Variants in MIA3 observed in about 807,000 individuals in gnomAD.
MIA3 encodes the protein MIA SH3 domain ER export factor 3.
In MIA3, 90 loss-of-function variants were observed where a neutral mutation model predicts 192.4. The ratio of observed to expected loss-of-function variants is 0.47; its 90% CI spans 0.39 to 0.56. The LOEUF (loss-of-function observed/expected upper bound fraction) is 0.56. Among genes scored for constraint, MIA3 ranks in the 20% least tolerant of loss-of-function variants. The pLI is 0.00. For missense variants in MIA3, 2,123 were observed against 2,269.4 expected (o/e 0.94, Z 1.31); for synonymous variants, 740 against 792.8 (o/e 0.93, Z 1.12).
In MIA3 at chr1:222,629,473, C is replaced by A. The variant is rs1484477967; in HGVS notation, c.2253C>A (p.Gly751=). The A allele has an allele frequency of 2.5e-6, 4 of 1,614,088 alleles. No homozygotes were observed. Among genetic ancestry groups the A allele is most frequent in the Non-Finnish European group, 3.4e-6 (4 of 1,180,014 alleles). ...RSKEKNPGNQ[G]RQFDVNLQVP... is the part of the protein sequence containing the mutation. Reference sequence around the variant, plus strand: ...AAGAAAAAAACCCTGGGAATCAGGGCAGGCAGTTTGATGTTAATCTGCAAG... The same window carrying A: ...AAGAAAAAAACCCTGGGAATCAGGGAAGGCAGTTTGATGTTAATCTGCAAG... Residue 751 remains glycine (G), a synonymous_variant, in exon 4 of 28, where the codon GGC becomes GGA. Transcript: ENST00000344922.
At chr1:222,646,534 A>C (rs3008624) in intron 7 of MIA3, among the ~76,000 whole-genome samples, 1 of 152,124 alleles carries the variant, frequency 6.6e-6, no homozygotes, top group African/African-American at 2.4e-5. Context: ...GGTGGATCAC[A>C]TAAGGCCAGG....
intron 4 of MIA3, among the ~76,000 whole-genome samples, chr1:222,631,487 C>T (rs908447541): frequency 3.3e-5 from 5 of 152,110 alleles, no homozygotes; most frequent in Admixed American, 2.0e-4. Flanking sequence ...CACAGGAAAA[C>T]GTATTACTCC....
Position 222,641,115 on chromosome 1 carries a change from G to C in MIA3, c.3478-4439G>C, listed in dbSNP as rs537585395. ...ATGGAAGTATCATACACTGCTGATG[G>C]GGATGTGAAGTGGTACAGCTATCTT... On this transcript the variant is annotated intron_variant, in intron 6 of 27. Transcript: ENST00000344922. Among the ~76,000 whole-genome samples, 18 of 152,320 alleles carry C rather than the reference G, an allele frequency of 1.2e-4. No homozygotes were observed. In the South Asian group the frequency reaches 3.5e-3, roughly 30 times the overall value.
intron 27 of MIA3, chr1:222,664,832 C>A: frequency 3.0e-6 from 1 of 335,548 alleles, no homozygotes; most frequent in South Asian, 2.5e-5. Flanking sequence ...AGTCTGTCTT[C>A]TTGGTATGGT....
chr1:222,659,853 G>C, intron 22 of MIA3, 52 bp downstream of exon 22: 3 of 1,604,904 alleles, frequency 1.9e-6, no homozygotes, highest in Non-Finnish European at 2.6e-6. Context: ...TTAAGGAATT[G>C]GTTTCTATTT....
intron 8 of MIA3, among the ~76,000 whole-genome samples, chr1:222,649,952 C>G (rs191731631): frequency 6.6e-6 from 1 of 152,072 alleles, no homozygotes. Flanking sequence ...AGAGAGTGAG[C>G]GGGGAGGTGC....
chr1:222,658,953 T>C (rs2291834), intron 19 of MIA3, 130 bp downstream of exon 19: 381,181 of 585,142 alleles, frequency 0.65, 130,901 homozygotes, highest in Non-Finnish European at 0.72. Flanking sequence ...AAAAACTAAA[T>C]TTTAAGTTAA....
In MIA3 at chr1:222,653,145, G is replaced by C; in HGVS notation, c.4209+15G>C. ...ATAATATTAATGTAAGTGCGTTCAT[G>C]AATACAAGCTTAATTCTTGTGAATT... On this transcript the variant is annotated intron_variant, in intron 14 of 27. Coordinates refer to ENST00000344922, the MANE Select transcript of MIA3 (RefSeq NM_198551.4). The C allele has an allele frequency of 6.3e-7, 1 of 1,599,614 alleles. No individual in the cohort carries two copies.
At chr1:222,623,700 G>T (rs750967290) in intron 2 of MIA3, among the ~76,000 whole-genome samples, 14 of 152,150 alleles carry the variant, frequency 9.2e-5, no homozygotes, top group Non-Finnish European at 1.8e-4. Flanking sequence ...TGATAAGATG[G>T]CCTTTTTTTC....
chr1:222,635,700 T>C (rs924557411), intron 6 of MIA3, among the ~76,000 whole-genome samples: 2 of 152,178 alleles, frequency 1.3e-5, no homozygotes, highest in Non-Finnish European at 2.9e-5. Flanking sequence ...GGGAAAACTA[T>C]ACCAGAGGTC....
intron 6 of MIA3, among the ~76,000 whole-genome samples, chr1:222,639,161 A>G (rs1013624917): frequency 4.6e-5 from 7 of 152,222 alleles, no homozygotes; most frequent in African/African-American, 1.7e-4. Context: ...TAGATGAAGA[A>G]ATTCTATCTA....
rs1252555282 is a variant in MIA3, at chr1:222,630,795, T to C, written c.3169+406T>C. Among the ~76,000 whole-genome samples the C allele has an allele frequency of 2.6e-5, 4 of 152,246 alleles. No individual in the cohort carries two copies. The East Asian group carries it at 5.8e-4, about 22-fold the overall frequency. ...CTTTTAGATCAATGCCTTGGCTAAATTCCTACGTTCTCCCCAATTTTATCT... is the reference window on the plus strand; with the variant it reads ...CTTTTAGATCAATGCCTTGGCTAAACTCCTACGTTCTCCCCAATTTTATCT... On this transcript the variant is annotated intron_variant, in intron 4 of 27. Coordinates refer to ENST00000344922, the MANE Select transcript of MIA3 (RefSeq NM_198551.4).
At chr1:222,643,955 G>A (rs1662987301) in intron 6 of MIA3, among the ~76,000 whole-genome samples, 1 of 145,026 alleles carries the variant, frequency 6.9e-6, no homozygotes, top group South Asian at 2.2e-4. Context: ...AAGGAAGAAA[G>A]GCCGCGCACT....
At chr1:222,637,394 A>G (rs1662674755) in intron 6 of MIA3, among the ~76,000 whole-genome samples, 1 of 152,170 alleles carries the variant, frequency 6.6e-6, no homozygotes, top group African/African-American at 2.4e-5. Context: ...TTTTTTTAAA[A>G]TTCTCTTTAT....
chr1:222,638,975 C>G (rs1662744977), intron 6 of MIA3, among the ~76,000 whole-genome samples: 2 of 152,008 alleles, frequency 1.3e-5, no homozygotes, highest in African/African-American at 4.8e-5. Context: ...TAACCAAAAC[C>G]TGGTTCTTTG....
chr1:222,662,382 T>C, intron 26 of MIA3, 50 bp downstream of exon 26: 1 of 1,588,930 alleles, frequency 6.3e-7, no homozygotes, highest in Non-Finnish European at 8.6e-7. Context: ...CATTTAGCTC[T>C]TCCTACAACT....
rs941800676 is a variant in MIA3, at chr1:222,667,582, A to G, written c.*1963A>G. Reference sequence around the variant, plus strand: ...CATAATTGAGAAACTGGTAAGCTGTAAAGATTCCAGTGTAGCTTCTCTGAG... The same window carrying G: ...CATAATTGAGAAACTGGTAAGCTGTGAAGATTCCAGTGTAGCTTCTCTGAG... On this transcript the variant is annotated 3_prime_UTR_variant, in exon 28 of 28. Transcript: ENST00000344922. 4 of 152,180 alleles carry G rather than the reference A, an allele frequency of 2.6e-5. No individual in the cohort carries two copies. The highest frequency in any genetic ancestry group is 9.7e-5 in the African/African-American group (4 of 41,450). 9.4% of individuals were successfully genotyped at this position (152,180 alleles called of 1,614,324 possible). A position where few individuals can be genotyped will look rare whatever the true frequency, so the allele number is the denominator to read the frequency against.
At position 222,659,609 on chromosome 1, in the gene MIA3, T is replaced by G. The variant is rs769269470; in HGVS notation, c.4771-13T>G. On this transcript the variant is annotated splice_polypyrimidine_tract_variant and intron_variant, in intron 20 of 27. Coordinates refer to ENST00000344922, the MANE Select transcript of MIA3 (RefSeq NM_198551.4). Reference sequence around the variant, plus strand: ...ATCTGTATGCATATTTTGTGATGTATTATCTTTTTCAGATCGCTACCCATG... The same window carrying G: ...ATCTGTATGCATATTTTGTGATGTAGTATCTTTTTCAGATCGCTACCCATG... 6.2e-7 allele frequency: 1 copy of G among 1,613,816 alleles called. No individual in the cohort carries two copies. The highest frequency in any genetic ancestry group is 2.2e-5 in the East Asian group (1 of 44,862).
intron 6 of MIA3, among the ~76,000 whole-genome samples, chr1:222,637,684 ATT>A (rs112135138): frequency 0.014 from 1,072 of 76,356 alleles, 11 homozygotes; most frequent in African/African-American, 0.033. Flanking sequence ...ATCAAGAATA[ATT>A]TTTTTTTTTT....
Sources: gnomAD v4.1 joint callset for allele counts (sites outside exome capture counted in the v4.1 genomes callset) on GRCh38, gnomAD v4.1.1 for gene constraint, MANE v1.5 for transcripts, NCBI Gene and HGNC (gene_info 2026-07-23, HGNC 2026-07-21) for gene names.